The following TUBGCP3 variants were observed in gnomAD, a reference collection of about 807,000 sequenced individuals.
TUBGCP3 encodes tubulin gamma complex component 3.
A neutral mutation model predicts 123.1 loss-of-function variants in TUBGCP3; 50 were observed. That is an observed-to-expected ratio of 0.41 (90% confidence interval 0.32 to 0.51). The LOEUF (loss-of-function observed/expected upper bound fraction) is 0.51, where lower values mean the gene tolerates loss of function less well. Among genes scored for constraint, TUBGCP3 ranks in the 20% least tolerant of loss-of-function variants. The probability of loss-of-function intolerance (pLI) is 0.36; values close to 1 mark genes in which losing one functional copy is unlikely to be tolerated. For synonymous variants in TUBGCP3, 405 were observed against 413.9 expected (o/e 0.98, Z 0.26); for missense variants, 882 against 1,127.0 (o/e 0.78, Z 3.11).
In TUBGCP3 at chr13:112,524,418, C is replaced by G. The variant is rs567325705; in HGVS notation, c.1556-1909G>C. Among the ~76,000 whole-genome samples the G allele has an allele frequency of 1.1e-4, 17 of 152,274 alleles. 1 individual carries two copies. The South Asian group carries it at 3.3e-3, about 30-fold the overall frequency. On this transcript the variant is annotated intron_variant, in intron 13 of 21. Coordinates refer to ENST00000261965, the MANE Select transcript of TUBGCP3 (RefSeq NM_006322.6). The surrounding 1 kb of genome is among the most constrained non-coding windows in gnomAD (Gnocchi z 4.4). ...AGCAGCAACCTTCATGGAGAGCCTCCGGCACAGCAGGCGCATGGGGACGCC... is the reference window on the plus strand; with the variant it reads ...AGCAGCAACCTTCATGGAGAGCCTCGGGCACAGCAGGCGCATGGGGACGCC...
the TUBGCP3 span, among the ~76,000 whole-genome samples, chr13:112,599,956 T>C: frequency 2.0e-5 from 3 of 152,218 alleles, no homozygotes; most frequent in African/African-American, 7.2e-5. Context: ...TCTCCTATAA[T>C]TAGCATCTTG....
intron 17 of TUBGCP3, among the ~76,000 whole-genome samples, chr13:112,509,407 A>T (rs1330426600): frequency 6.6e-6 from 1 of 152,234 alleles, no homozygotes; most frequent in Non-Finnish European, 1.5e-5. Flanking sequence ...AGAATGCGTG[A>T]TGTTGACACT....
intron 1 of TUBGCP3, among the ~76,000 whole-genome samples, chr13:112,573,387 C>A (rs1306496622): frequency 6.6e-6 from 1 of 152,000 alleles, no homozygotes; most frequent in African/African-American, 2.4e-5. Context: ...AAGGAAATCA[C>A]CAGATCAGCC....
intron 11 of TUBGCP3, among the ~76,000 whole-genome samples, chr13:112,542,353 A>C (rs1878589430): frequency 6.6e-6 from 1 of 152,214 alleles, no homozygotes; most frequent in African/African-American, 2.4e-5. Context: ...TCATCCTGTA[A>C]TTATGGAATA....
intron 20 of TUBGCP3, among the ~76,000 whole-genome samples, chr13:112,496,659 C>T (rs1056722815): frequency 1.3e-5 from 2 of 152,174 alleles, no homozygotes; most frequent in East Asian, 1.9e-4. Flanking sequence ...CACTCCCACA[C>T]GGCCAGCGGA....
chr13:112,539,385 G>C (rs1878317384), intron 11 of TUBGCP3, among the ~76,000 whole-genome samples: 1 of 152,168 alleles, frequency 6.6e-6, no homozygotes, highest in Non-Finnish European at 1.5e-5. Context: ...GTTACAATGA[G>C]ATAAACCGGT....
chr13:112,514,882 A>G (rs1875961561), intron 17 of TUBGCP3, among the ~76,000 whole-genome samples: 1 of 152,200 alleles, frequency 6.6e-6, no homozygotes, highest in African/African-American at 2.4e-5. Flanking sequence ...AATTGGAGGA[A>G]AAAACTACAT....
intron 13 of TUBGCP3, among the ~76,000 whole-genome samples, chr13:112,526,375 A>G (rs1272722981): frequency 1.3e-5 from 2 of 149,546 alleles, no homozygotes; most frequent in Non-Finnish European, 3.0e-5. Context: ...TCACACCATC[A>G]CCATCATTAC....
intron 11 of TUBGCP3, among the ~76,000 whole-genome samples, chr13:112,539,655 G>A (rs1033784493): frequency 9.2e-5 from 14 of 152,294 alleles, no homozygotes; most frequent in African/African-American, 2.9e-4. Context: ...CCCTAGGTAC[G>A]TGCATCAGTA....
chr13:112,562,984 C>T (rs1880639840), intron 3 of TUBGCP3, among the ~76,000 whole-genome samples: 1 of 152,208 alleles, frequency 6.6e-6, no homozygotes, highest in African/African-American at 2.4e-5. Context: ...CACGCTGTTC[C>T]CTGCCCTCGA....
chr13:112,504,046 C>T lies in TUBGCP3; in HGVS notation c.2293G>A (p.Asp765Asn), dbSNP rs1313783256. 1.2e-6 allele frequency: 2 copies of T among 1,613,534 alleles called. No homozygotes were observed. The highest frequency in any genetic ancestry group is 2.7e-5 in the African/African-American group (2 of 74,906). ...LDTIISRCLL[D>N]SDSRALLNQL... ...CGGAGTCTTACCCTGGAGTCACTGT[C>T]CAGCAGGCAGCGGGAGATGATGGTG... Residue 765 changes from aspartate (D) to asparagine (N), a missense_variant, in exon 19 of 22, where the codon GAC becomes AAC. Asp to Asn is a conservative substitution (Grantham distance 23). Coordinates refer to ENST00000261965, the MANE Select transcript of TUBGCP3 (RefSeq NM_006322.6).
In TUBGCP3 at chr13:112,513,862, A is replaced by T. The variant is rs1051610670; in HGVS notation, c.2086+2578T>A. On this transcript the variant is annotated intron_variant, in intron 17 of 21. Coordinates refer to ENST00000261965, the MANE Select transcript of TUBGCP3 (RefSeq NM_006322.6). Reference sequence around the variant, plus strand: ...CACCTGCTGTCAACGGCAGTCCAGAAATAGCACATGGAAAATCCCAGAAAT... The same window carrying T: ...CACCTGCTGTCAACGGCAGTCCAGATATAGCACATGGAAAATCCCAGAAAT... Among the ~76,000 whole-genome samples the T allele has an allele frequency of 3.9e-5, 6 of 152,136 alleles. 1 individual carries two copies. Among genetic ancestry groups the T allele is most frequent in the Non-Finnish European group, 4.4e-5 (3 of 68,038 alleles).
At chr13:112,543,246 T>C (rs1209373325) in intron 11 of TUBGCP3, among the ~76,000 whole-genome samples, 1 of 152,098 alleles carries the variant, frequency 6.6e-6, no homozygotes, top group Non-Finnish European at 1.5e-5. Flanking sequence ...AAAAGAAAGT[T>C]TACTAGTGAT....
rs117241232 is a variant in TUBGCP3, at chr13:112,528,116, G to A, written c.1336-632C>T. 6.5e-4 allele frequency among the ~76,000 whole-genome samples: 99 copies of A among 152,302 alleles called. No homozygotes were observed. In the East Asian group the frequency reaches 0.016, roughly 25 times the overall value. On this transcript the variant is annotated intron_variant, in intron 11 of 21. Coordinates refer to ENST00000261965, the MANE Select transcript of TUBGCP3 (RefSeq NM_006322.6). The stretch of plus-strand genomic sequence containing the variant: ...GCAGCTCCCCTGCCCTGACCCTGAC[G>A]GGCACCTACATCACTGCCGTTAGAA...
chr13:112,551,849 G>A (rs1447631974), intron 8 of TUBGCP3, among the ~76,000 whole-genome samples: 1 of 151,042 alleles, frequency 6.6e-6, no homozygotes, highest in Non-Finnish European at 1.5e-5. Flanking sequence ...GACTGGTTTT[G>A]TGGAAGACAT....
intron 11 of TUBGCP3, among the ~76,000 whole-genome samples, chr13:112,543,365 G>A (rs1365261084): frequency 1.3e-5 from 2 of 152,088 alleles, no homozygotes; most frequent in Non-Finnish European, 2.9e-5. Context: ...TTAAAAGAAA[G>A]TTCATACAAC....
At chr13:112,496,874 T>G (rs554650250) in intron 20 of TUBGCP3, among the ~76,000 whole-genome samples, 1 of 151,780 alleles carries the variant, frequency 6.6e-6, no homozygotes, top group East Asian at 1.9e-4. Context: ...TAGTCCCAGC[T>G]ACTTGGGAGG....
At chr13:112,561,525 G>T (rs1226627513) in intron 3 of TUBGCP3, among the ~76,000 whole-genome samples, 1 of 152,180 alleles carries the variant, frequency 6.6e-6, no homozygotes, top group African/African-American at 2.4e-5. Flanking sequence ...TATAGCTGGG[G>T]AGTCAAGATG....
intron 2 of TUBGCP3, among the ~76,000 whole-genome samples, chr13:112,565,576 G>A (rs967141154): frequency 9.2e-5 from 14 of 152,208 alleles, no homozygotes; most frequent in Non-Finnish European, 2.1e-4. Context: ...AGGGCAGTAA[G>A]TTAAGTACAA....
Sources: allele counts gnomAD v4.1 joint callset (sites outside exome capture counted in the v4.1 genomes callset), GRCh38; gene constraint gnomAD v4.1.1; non-coding constraint Gnocchi (gnomAD v3.1); transcripts MANE v1.5; gene names NCBI Gene and HGNC (gene_info 2026-07-23, HGNC 2026-07-21).